Variants in SLITRK3 observed in about 807,000 individuals in gnomAD.
The protein encoded by SLITRK3 is SLIT and NTRK-like protein 3.
Under a neutral mutation model 63.6 loss-of-function variants are expected in SLITRK3, and 16 were observed. The observed-to-expected ratio is 0.25, with a 90% CI of 0.17 to 0.38. SLITRK3 has a LOEUF of 0.38. Ranked by LOEUF, SLITRK3 falls within the 10% of genes least tolerant of loss-of-function variation. The pLI is 1.00. For synonymous variants in SLITRK3, 547 were observed against 451.6 expected (o/e 1.21, Z -2.68); for missense variants, 1,117 against 1,181.4 (o/e 0.95, Z 0.80).
At chr3:165,192,011 A>C (rs1204193615) in intron 1 of SLITRK3, among the ~76,000 whole-genome samples, 5 of 152,256 alleles carry the variant, frequency 3.3e-5, no homozygotes, top group African/African-American at 9.6e-5. Context: ...CATAAATGAT[A>C]ATAATGCAGT....
In SLITRK3 at chr3:165,188,888, C is replaced by G. The variant is rs1560053247; in HGVS notation, c.1943G>C (p.Gly648Ala). 2 of 1,614,128 alleles carry G rather than the reference C, an allele frequency of 1.2e-6. No homozygotes were observed. Among genetic ancestry groups the G allele is most frequent in the Non-Finnish European group, 1.7e-6 (2 of 1,180,022 alleles). Residue 648 changes from glycine to alanine, a missense_variant, in exon 2 of 2, where the codon GGG (glycine) becomes GCG (alanine). By Grantham distance (60) the Gly-to-Ala change is moderately conservative (BLOSUM62 0). Transcript: ENST00000475390. Reference sequence around the variant, plus strand: ...TAACACAGAAAGTGGCACAGGGCCCCCAGGAGGAGAAAACTCATAAGGTGA... The same window carrying G: ...TAACACAGAAAGTGGCACAGGGCCCGCAGGAGGAGAAAACTCATAAGGTGA... ...SASPYEFSPPGGPVPLSVLIL... is the reference protein window; with the variant it reads ...SASPYEFSPPAGPVPLSVLIL...
chr3:165,188,310 G>A lies in SLITRK3; in HGVS notation c.2521C>T (p.Pro841Ser). Reference protein sequence around the residue: ...VTVNHHHPHHPAVGGVSGVVG... With the variant: ...VTVNHHHPHHSAVGGVSGVVG... ...ACTCCTGAAACCCCACCAACTGCTG[G>A]GTGGTGAGGGTGATGGTGATTCACC... is the stretch of plus-strand genomic sequence containing the variant. The change falls in exon 2 of 2, where the codon CCA becomes TCA. Residue 841 changes from proline (P) to serine (S), a missense_variant. Physicochemically the swap from Pro to Ser is moderately conservative, Grantham distance 74. This residue lies in a region of SLITRK3 where 499 missense variants were observed against 463.6 expected (regional missense o/e 1.08). Coordinates refer to ENST00000475390, the MANE Select transcript of SLITRK3 (RefSeq NM_001318810.2). 1.2e-6 allele frequency: 2 copies of A among 1,613,992 alleles called. No homozygotes were observed. The highest frequency in any genetic ancestry group is 1.7e-6 in the Non-Finnish European group (2 of 1,179,992).
chr3:165,188,144 G>A lies in SLITRK3; in HGVS notation c.2687C>T (p.Thr896Ile), dbSNP rs752268698. ...DRERPQPAPC[T>I]VGFVDCLYGT... ...ATAGAGACAGTCCACAAATCCCACT[G>A]TGCAGGGGGCAGGCTGTGGCCTCTC... The change falls in exon 2 of 2, where the codon ACA (threonine) becomes ATA (isoleucine). Residue 896 changes from threonine to isoleucine, a missense_variant. By Grantham distance (89) the Thr-to-Ile change is moderately conservative. Around this residue, in one of 4 missense-constraint regions of SLITRK3, gnomAD observed 499 missense variants for 463.6 expected, o/e 1.08. Coordinates refer to ENST00000475390, the MANE Select transcript of SLITRK3 (RefSeq NM_001318810.2). 6.2e-7 allele frequency: 1 copy of A among 1,613,444 alleles called. No homozygotes were observed. The highest frequency in any genetic ancestry group is 8.5e-7 in the Non-Finnish European group (1 of 1,179,892).
In SLITRK3 at chr3:165,189,200, A is replaced by G; in HGVS notation, c.1631T>C (p.Val544Ala). ...LRKNYFLYLP[V>A]AGVLEHLNAI... ...ATTCAAGTGTTCCAGGACACCAGCC[A>G]CGGGAAGATAGAGGAAGTAGTTCTT... The change falls in exon 2 of 2, where the codon GTG becomes GCG. Residue 544 changes from valine to alanine, a missense_variant. Transcript: ENST00000475390. This position sits in a 1 kb window ranked among gnomAD's most constrained non-coding sequence, Gnocchi z 4.0. The G allele has an allele frequency of 6.2e-7, 1 of 1,614,206 alleles. No homozygotes were observed. Among genetic ancestry groups the G allele is most frequent in the Non-Finnish European group, 8.5e-7 (1 of 1,180,044 alleles).
intron 1 of SLITRK3, among the ~76,000 whole-genome samples, chr3:165,192,558 C>T (rs1252443638): frequency 6.7e-6 from 1 of 148,684 alleles, no homozygotes; most frequent in Admixed American, 6.7e-5. Context: ...TATTTATTAG[C>T]ATGGAACCGT....
rs774310921 is a variant in SLITRK3, at chr3:165,188,268, C to T, written c.2563G>A (p.Gly855Arg). The T allele has an allele frequency of 5.0e-6, 8 of 1,613,744 alleles. 1 individual carries two copies. In the South Asian group the frequency reaches 7.7e-5, roughly 16 times the overall value. The change falls in exon 2 of 2, where the codon GGA becomes AGA. Residue 855 changes from glycine (G) to arginine (R), a missense_variant. Transcript: ENST00000475390. ...TGGTGGCGGAACCCTGCCAAGTCTC[C>T]CCCAGTTCCCCCAACTACTCCTGAA... Reference protein sequence around the residue: ...GVSGVVGGTGGDLAGFRHHEK... With the variant: ...GVSGVVGGTGRDLAGFRHHEK...
At chr3:165,192,691 GAAA>G (rs60098565) in intron 1 of SLITRK3, among the ~76,000 whole-genome samples, 1 of 138,662 alleles carries the variant, frequency 7.2e-6, no homozygotes. Context: ...GGGACTAAGA[GAAA>G]AAAAAAAAAA....
chr3:165,194,253 TG>T (rs1718341772), intron 1 of SLITRK3, among the ~76,000 whole-genome samples: 1 of 152,210 alleles, frequency 6.6e-6, no homozygotes, highest in Non-Finnish European at 1.5e-5. Flanking sequence ...TTTCCCTTAA[TG>T]GACCCTTTAC....
In SLITRK3 at chr3:165,189,503, C is replaced by T. The variant is rs773404533; in HGVS notation, c.1328G>A (p.Arg443His). 11 of 1,613,630 alleles carry T rather than the reference C, an allele frequency of 6.8e-6. No individual in the cohort carries two copies. Among genetic ancestry groups the T allele is most frequent in the East Asian group, 2.2e-5 (1 of 44,886 alleles). ...SLDLLHLGNN[R>H]ISYVQDGAFI... ...GGCCCCATCTTGGACATAGGAAATA[C>T]GATTGTTCCCCAGATGCAAGAGATC... is the stretch of plus-strand genomic sequence containing the variant. The change falls in exon 2 of 2, where the codon CGT becomes CAT. Residue 443 changes from arginine to histidine, a missense_variant. Arg to His is a conservative substitution (Grantham distance 29, BLOSUM62 0). Coordinates refer to ENST00000475390, the MANE Select transcript of SLITRK3 (RefSeq NM_001318810.2). This position sits in a 1 kb window ranked among gnomAD's most constrained non-coding sequence, Gnocchi z 4.0.
rs540501482 is a variant in SLITRK3 at position 165,188,018 on chromosome 3, G to A, written c.2813C>T (p.Ser938Leu). ...GTGGTCTGTGAAGCCCTTTCCAGCC[G>A]AGAAGAGAAGGGTTTCTTTGAGCCT... The part of the protein sequence containing the change: ...DARLKETLLF[S>L]AGKGFTDHQT... Residue 938 changes from serine to leucine, a missense_variant, in exon 2 of 2, where the codon TCG becomes TTG. By Grantham distance (145) the Ser-to-Leu change is moderately radical. Around this residue, in one of 4 missense-constraint regions of SLITRK3, gnomAD observed 499 missense variants for 463.6 expected, o/e 1.08. Coordinates refer to ENST00000475390, the MANE Select transcript of SLITRK3 (RefSeq NM_001318810.2). 1.8e-5 allele frequency: 29 copies of A among 1,613,860 alleles called. No homozygotes were observed. Among genetic ancestry groups the A allele is most frequent in the African/African-American group, 4.0e-5 (3 of 74,868 alleles).
At chr3:165,196,914 T>TCTCTCTCTCTCTCTCTCTCTCTCTCTCTC, upstream of SLITRK3, 1 of 147,188 alleles carries the variant, frequency 6.8e-6, no homozygotes, top group Admixed American at 6.9e-5. Context: ...TCTCTCTCTC[T>TCTCTCTCTCTCTCTCTCTCTCTCTCTCTC]CTCTCTCTCT....
chr3:165,193,482 C>G (rs1471532587), intron 1 of SLITRK3, among the ~76,000 whole-genome samples: 1 of 150,790 alleles, frequency 6.6e-6, no homozygotes, highest in African/African-American at 2.4e-5. Context: ...TCCAGGTCCC[C>G]AAAGCAGAAA....
At position 165,187,855 on chromosome 3, in the gene SLITRK3, C is replaced by A. The variant is rs1450640556; in HGVS notation, c.*42G>T. 1 of 1,476,368 alleles carries A rather than the reference C, an allele frequency of 6.8e-7. No homozygotes were observed. Among genetic ancestry groups the A allele is most frequent in the Non-Finnish European group, 9.2e-7 (1 of 1,092,708 alleles). 91.5% of individuals were successfully genotyped at this position (1,476,368 alleles called of 1,614,324 possible). Reference sequence around the variant, plus strand: ...GATATATTTCTTTTATTTTCCTTTTCTTTTGAAAAAAAAAAAGCACTAATA... The same window carrying A: ...GATATATTTCTTTTATTTTCCTTTTATTTTGAAAAAAAAAAAGCACTAATA... On this transcript the variant is annotated 3_prime_UTR_variant, in exon 2 of 2. Transcript: ENST00000475390.
Position 165,189,947 on chromosome 3 carries a change from A to G in SLITRK3, c.884T>C (p.Ile295Thr), listed in dbSNP as rs1718135237. Residue 295 changes from isoleucine (I) to threonine (T), a missense_variant, in exon 2 of 2, where the codon ATT (isoleucine) becomes ACT (threonine). By Grantham distance (89) the Ile-to-Thr change is moderately conservative. Coordinates refer to ENST00000475390, the MANE Select transcript of SLITRK3 (RefSeq NM_001318810.2). The surrounding 1 kb of genome is among the most constrained non-coding windows in gnomAD (Gnocchi z 4.0). The stretch of plus-strand genomic sequence containing the variant: ...CTCCTTACTTGATGACGAATGTGGA[A>G]TTCCCAAACTAGCCTCTACCTCAGA... ...SDSEVEASLGIPHSSSSKENA... is the reference protein window; with the variant it reads ...SDSEVEASLGTPHSSSSKENA... The G allele has an allele frequency of 6.2e-7, 1 of 1,614,142 alleles. No individual in the cohort carries two copies. The highest frequency in any genetic ancestry group is 1.3e-5 in the African/African-American group (1 of 75,040).
chr3:165,190,941 T>C (rs968997041), intron 1 of SLITRK3, 90 bp from the exon 2 acceptor site: 12 of 922,072 alleles, frequency 1.3e-5, no homozygotes, highest in African/African-American at 5.0e-5. Context: ...TTAAGAGCTA[T>C]ATAAAAACTT....
chr3:165,192,349 G>A (rs186127905), intron 1 of SLITRK3, among the ~76,000 whole-genome samples: 3 of 152,028 alleles, frequency 2.0e-5, no homozygotes, highest in Non-Finnish European at 2.9e-5. Context: ...GAGAGAAAAG[G>A]CTACATTGCA....
Position 165,189,407 on chromosome 3 carries a change from A to G in SLITRK3, c.1424T>C (p.Met475Thr). 11 of 1,613,628 alleles carry G rather than the reference A, an allele frequency of 6.8e-6. No homozygotes were observed. Among genetic ancestry groups the G allele is most frequent in the African/African-American group, 1.3e-5 (1 of 75,058 alleles). ...GTGCAAACTCTGTAGGCCTCGGAACATGCCTGGTGTCAGCTTCTCTATATC... is the reference window on the plus strand; with the variant it reads ...GTGCAAACTCTGTAGGCCTCGGAACGTGCCTGGTGTCAGCTTCTCTATATC... ...GNDIEKLTPGMFRGLQSLHYL... is the reference protein window; with the variant it reads ...GNDIEKLTPGTFRGLQSLHYL... The change falls in exon 2 of 2, where the codon ATG becomes ACG. Residue 475 changes from methionine (M) to threonine (T), a missense_variant. By Grantham distance (81) the Met-to-Thr change is moderately conservative (BLOSUM62 -1). Around this residue, in one of 4 missense-constraint regions of SLITRK3, gnomAD observed 158 missense variants for 197.2 expected, o/e 0.80. Coordinates refer to ENST00000475390, the MANE Select transcript of SLITRK3 (RefSeq NM_001318810.2). This position sits in a 1 kb window ranked among gnomAD's most constrained non-coding sequence, Gnocchi z 4.0.
At position 165,189,822 on chromosome 3, in the gene SLITRK3, T is replaced by C; in HGVS notation, c.1009A>G (p.Lys337Glu). The change falls in exon 2 of 2, where the codon AAA becomes GAA. Residue 337 changes from lysine to glutamate, a missense_variant. Around this residue, in one of 4 missense-constraint regions of SLITRK3, gnomAD observed 452 missense variants for 495.3 expected, o/e 0.91. Transcript: ENST00000475390. The surrounding 1 kb of genome is among the most constrained non-coding windows in gnomAD (Gnocchi z 4.0). ...KSSNKQPKPTKQPRTPRPPST... is the reference protein window; with the variant it reads ...KSSNKQPKPTEQPRTPRPPST... Reference sequence around the variant, plus strand: ...GGTGGCCTTGGTGTTCGAGGCTGTTTGGTGGGCTTAGGCTGTTTATTTGAG... The same window carrying C: ...GGTGGCCTTGGTGTTCGAGGCTGTTCGGTGGGCTTAGGCTGTTTATTTGAG... 5 of 1,614,122 alleles carry C rather than the reference T, an allele frequency of 3.1e-6. No individual in the cohort carries two copies. The highest frequency in any genetic ancestry group is 4.2e-6 in the Non-Finnish European group (5 of 1,180,024).
chr3:165,196,951 GC>G (rs1718461559), upstream of SLITRK3: 3 of 48,582 alleles, frequency 6.2e-5, no homozygotes, highest in Non-Finnish European at 1.3e-4. Flanking sequence ...TCTCTCTCTC[GC>G]TCTCTCTCTC....
Sources: gnomAD v4.1 joint callset for allele counts (sites outside exome capture counted in the v4.1 genomes callset) on GRCh38, gnomAD v4.1.1 for gene constraint, gnomAD v4.1.1 regional missense constraint, Gnocchi (gnomAD v3.1) non-coding constraint, MANE v1.5 for transcripts, NCBI Gene and HGNC (gene_info 2026-07-23, HGNC 2026-07-21) for gene names.